The following JAKMIP2 variants were observed in gnomAD, a reference collection of about 807,000 sequenced individuals.
JAKMIP2 encodes the protein janus kinase and microtubule interacting protein 2.
A neutral mutation model predicts 115.0 loss-of-function variants in JAKMIP2; 25 were observed. The ratio of observed to expected loss-of-function variants is 0.22; its 90% CI spans 0.16 to 0.30. JAKMIP2 has a LOEUF of 0.30. Among genes scored for constraint, JAKMIP2 ranks in the 10% least tolerant of loss-of-function variants. The pLI, the probability that JAKMIP2 is intolerant of heterozygous loss-of-function variation, is 1.00. For synonymous variants in JAKMIP2, 334 were observed against 343.6 expected (o/e 0.97, Z 0.31); for missense variants, 642 against 957.6 (o/e 0.67, Z 4.35).
intron 1 of JAKMIP2, among the ~76,000 whole-genome samples, chr5:147,769,878 T>C (rs1211132651): frequency 3.9e-5 from 6 of 152,066 alleles, no homozygotes; most frequent in Non-Finnish European, 8.8e-5. Flanking sequence ...TTGTAGATGA[T>C]TTAAACATTT....
rs542535010 is a variant in JAKMIP2, at chr5:147,587,837, G to C, written c.*3870C>G. Reference sequence around the variant, plus strand: ...AACTTTATTTCTCCTATTACTAGTGGAGAACACATTTGCTCTCTACCTAAG... The same window carrying C: ...AACTTTATTTCTCCTATTACTAGTGCAGAACACATTTGCTCTCTACCTAAG... On this transcript the variant is annotated 3_prime_UTR_variant, in exon 22 of 22. Coordinates refer to ENST00000616793, the MANE Select transcript of JAKMIP2 (RefSeq NM_001270941.2). 20 of 151,826 alleles carry C rather than the reference G, an allele frequency of 1.3e-4. No homozygotes were observed. The highest frequency in any genetic ancestry group is 4.6e-4 in the African/African-American group (19 of 41,382). 9.4% of individuals were successfully genotyped at this position (151,826 alleles called of 1,614,324 possible). A position where few individuals can be genotyped will look rare whatever the true frequency, so the allele number is the denominator to read the frequency against.
At chr5:147,604,740 C>T (rs917486795) in intron 20 of JAKMIP2, among the ~76,000 whole-genome samples, 7 of 151,920 alleles carry the variant, frequency 4.6e-5, no homozygotes, top group African/African-American at 1.7e-4. Flanking sequence ...AGAGAAAAAC[C>T]TCTTTGGCAT....
chr5:147,701,691 CA>C (rs1752330964), intron 1 of JAKMIP2, among the ~76,000 whole-genome samples: 1 of 152,170 alleles, frequency 6.6e-6, no homozygotes, highest in Non-Finnish European at 1.5e-5. Flanking sequence ...GGCAATGCAA[CA>C]AGTGCCATTA....
chr5:147,718,616 T>A (rs1345544752), intron 1 of JAKMIP2, among the ~76,000 whole-genome samples: 1 of 151,822 alleles, frequency 6.6e-6, no homozygotes, highest in African/African-American at 2.4e-5. Context: ...TTCTTCTAGA[T>A]TTTCTAGTTT....
intron 1 of JAKMIP2, among the ~76,000 whole-genome samples, chr5:147,742,047 A>G (rs1185742407): frequency 1.3e-5 from 2 of 151,010 alleles, no homozygotes; most frequent in East Asian, 1.9e-4. Context: ...TTATTTATAT[A>G]CTTTATATAT....
intron 1 of JAKMIP2, among the ~76,000 whole-genome samples, chr5:147,767,049 GA>G (rs113000185): frequency 0.016 from 2,465 of 152,222 alleles, 74 homozygotes; most frequent in African/African-American, 0.055. Flanking sequence ...CTGCAGCAGA[GA>G]AAACAGTAGT....
intron 2 of JAKMIP2, 49 bp from the exon 3 acceptor site, chr5:147,661,494 G>T (rs779442287): frequency 1.3e-6 from 2 of 1,555,870 alleles, no homozygotes; most frequent in Non-Finnish European, 1.7e-6. Flanking sequence ...CTCAAAGGAC[G>T]GGTGTGCTCC....
intron 1 of JAKMIP2, among the ~76,000 whole-genome samples, chr5:147,715,121 T>A (rs953345065): frequency 1.3e-5 from 2 of 152,122 alleles, no homozygotes; most frequent in Non-Finnish European, 2.9e-5. Context: ...GAGAAGAATA[T>A]GTTACAATTA....
intron 1 of JAKMIP2, among the ~76,000 whole-genome samples, chr5:147,746,914 GAAGTCACCAAAT>G (rs1754365451): frequency 6.6e-6 from 1 of 152,026 alleles, no homozygotes; most frequent in Non-Finnish European, 1.5e-5. Flanking sequence ...ATTAAAAAAC[GAAGTCACCAAAT>G]AAGCCAGTGC....
intron 21 of JAKMIP2, among the ~76,000 whole-genome samples, chr5:147,598,462 T>TCTATCTATCTATCTATCAC (rs1554123568): frequency 2.4e-4 from 35 of 148,302 alleles, no homozygotes; most frequent in Non-Finnish European, 3.6e-4. Flanking sequence ...CTATCTATCA[T>TCTATCTATCTATCTATCAC]CTATCTATGT....
At chr5:147,768,503 A>G (rs1464729643) in intron 1 of JAKMIP2, among the ~76,000 whole-genome samples, 1 of 152,200 alleles carries the variant, frequency 6.6e-6, no homozygotes, top group African/African-American at 2.4e-5. Flanking sequence ...ATATGCCTCT[A>G]GTTCCTAATT....
Position 147,590,359 on chromosome 5 carries a change from C to G in JAKMIP2, c.*1348G>C, listed in dbSNP as rs947778153. ...CTTTTCAGGAACATACATTTGCTCTCAGAGATGACTCCAAGACTCAGTAAT... is the reference window on the plus strand; with the variant it reads ...CTTTTCAGGAACATACATTTGCTCTGAGAGATGACTCCAAGACTCAGTAAT... On this transcript the variant is annotated 3_prime_UTR_variant, in exon 22 of 22. Coordinates refer to ENST00000616793, the MANE Select transcript of JAKMIP2 (RefSeq NM_001270941.2). 6.6e-6 allele frequency: 1 copy of G among 152,174 alleles called. No homozygotes were observed. The highest frequency in any genetic ancestry group is 2.4e-5 in the African/African-American group (1 of 41,446). The allele number at this position is 152,174 out of a possible 1,614,324, so 9.4% of individuals were successfully genotyped here.
In JAKMIP2 at chr5:147,620,750, C is replaced by A; in HGVS notation, c.2065-7G>T. ...TTATTTTGCAGAACTGTTCCTATAA[C>A]AAAGGGCCATATTGATAGAGTCAGC... On this transcript the variant is annotated splice_polypyrimidine_tract_variant and splice_region_variant and intron_variant, in intron 17 of 21. Coordinates refer to ENST00000616793, the MANE Select transcript of JAKMIP2 (RefSeq NM_001270941.2). 6.2e-7 allele frequency: 1 copy of A among 1,607,610 alleles called. No homozygotes were observed.
At chr5:147,655,072 A>C (rs1758611345) in intron 3 of JAKMIP2, among the ~76,000 whole-genome samples, 1 of 152,212 alleles carries the variant, frequency 6.6e-6, no homozygotes, top group African/African-American at 2.4e-5. Context: ...CATGGTGGAT[A>C]AGCTTTTTGA....
chr5:147,644,292 C>T, intron 6 of JAKMIP2, 94 bp from the exon 7 acceptor site: 1 of 1,250,790 alleles, frequency 8.0e-7, no homozygotes, highest in Non-Finnish European at 1.1e-6. Context: ...TTATGAGGCT[C>T]CAGCTAAATT....
At chr5:147,737,786 G>A (rs1424305776) in intron 1 of JAKMIP2, among the ~76,000 whole-genome samples, 1 of 152,156 alleles carries the variant, frequency 6.6e-6, no homozygotes, top group East Asian at 1.9e-4. Flanking sequence ...TCACAGCATG[G>A]AAATTTAATA....
chr5:147,677,452 G>A (rs908310162), intron 1 of JAKMIP2, among the ~76,000 whole-genome samples: 1 of 152,104 alleles, frequency 6.6e-6, no homozygotes, highest in Non-Finnish European at 1.5e-5. Flanking sequence ...CAAAACTCTT[G>A]AGGGAGAGAA....
rs747170983 is a variant in JAKMIP2, at chr5:147,727,968, G to A, written c.-149+54488C>T. On this transcript the variant is annotated intron_variant, in intron 1 of 21. Transcript: ENST00000616793. ...AAACAGAAGAGGGGCCACAGACTGC[G>A]TTTTGGGAAAAACGTCTATTTTCCT... 7.2e-5 allele frequency among the ~76,000 whole-genome samples: 11 copies of A among 152,088 alleles called. No individual in the cohort carries two copies. The East Asian group carries it at 1.5e-3, about 21-fold the overall frequency.
intron 19 of JAKMIP2, among the ~76,000 whole-genome samples, chr5:147,613,855 T>C (rs1756445346): frequency 6.6e-6 from 1 of 152,176 alleles, no homozygotes; most frequent in Non-Finnish European, 1.5e-5. Context: ...AGTGAGACCA[T>C]AAAGGTTAAC....
Sources: gnomAD v4.1 joint callset for allele counts (sites outside exome capture counted in the v4.1 genomes callset) on GRCh38, gnomAD v4.1.1 for gene constraint, MANE v1.5 for transcripts, NCBI Gene and HGNC (gene_info 2026-07-23, HGNC 2026-07-21) for gene names.